Variants in ANK2 observed in about 807,000 individuals in gnomAD.
ANK2 encodes the protein ankyrin 2.
Under a neutral mutation model 360.5 loss-of-function variants are expected in ANK2, and 83 were observed. The ratio of observed to expected loss-of-function variants is 0.23; its 90% CI spans 0.19 to 0.28. The LOEUF is 0.28. Ranked by LOEUF, ANK2 falls within the 10% of genes least tolerant of loss-of-function variation. The probability of loss-of-function intolerance (pLI) is 1.00; values close to 1 mark genes in which losing one functional copy is unlikely to be tolerated. For synonymous variants in ANK2, 1,740 were observed against 1,759.5 expected, an observed-to-expected ratio of 0.99 and a Z score of 0.28; for missense variants, 4,201 against 4,795.7, an observed-to-expected ratio of 0.88 and a Z score of 3.66.
At chr4:112,994,411 G>A (rs2047842750) in intron 2 of ANK2, among the ~76,000 whole-genome samples, 1 of 152,166 alleles carries the variant, frequency 6.6e-6, no homozygotes, top group Non-Finnish European at 1.5e-5. Flanking sequence ...GAAAAGTAAT[G>A]TGATCTTTTA....
chr4:112,810,143 ATATATATATATATATATTTTTTT>A, the ANK2 span, among the ~76,000 whole-genome samples: 9 of 23,018 alleles, frequency 3.9e-4, no homozygotes, highest in South Asian at 0.01. Context: ...ATATATATAT[ATATATATATATATATATTTTTTT>A]TTTTTTTTTT....
intron 20 of ANK2, among the ~76,000 whole-genome samples, chr4:113,291,766 G>T (rs2067744492): frequency 6.6e-6 from 1 of 152,202 alleles, no homozygotes; most frequent in Non-Finnish European, 1.5e-5. Flanking sequence ...GTAGCCATTG[G>T]CTGTCATAGT....
chr4:113,350,546 C>T (rs2095345664), intron 37 of ANK2: 3 of 316,286 alleles, frequency 9.5e-6, no homozygotes, highest in Non-Finnish European at 1.8e-5. Flanking sequence ...ACCCACCCTA[C>T]CGTTTTGTCC....
chr4:112,901,278 A>G (rs1580817668), intron 1 of ANK2, among the ~76,000 whole-genome samples: 2 of 152,140 alleles, frequency 1.3e-5, no homozygotes, highest in African/African-American at 2.4e-5. Context: ...AGTAGTTGTG[A>G]TTGGATAACT....
intron 1 of ANK2, among the ~76,000 whole-genome samples, chr4:112,865,366 A>G (rs1243756617): frequency 6.6e-6 from 1 of 152,164 alleles, no homozygotes; most frequent in Non-Finnish European, 1.5e-5. Context: ...TATAATACCA[A>G]CCTCACAAAT....
the ANK2 span, among the ~76,000 whole-genome samples, chr4:112,734,229 C>G: frequency 9.2e-5 from 14 of 152,154 alleles, no homozygotes; most frequent in East Asian, 1.5e-3. Context: ...CAATTTTAAG[C>G]CTACTCACAG....
At chr4:113,149,854 G>A (rs938866839) in intron 1 of ANK2, among the ~76,000 whole-genome samples, 1 of 109,860 alleles carries the variant, frequency 9.1e-6, no homozygotes, top group Non-Finnish European at 1.7e-5. Context: ...TCCAGCTTGC[G>A]TGAGAGTGAG....
At chr4:113,197,422 C>A (rs933538954) in intron 3 of ANK2, among the ~76,000 whole-genome samples, 1 of 152,098 alleles carries the variant, frequency 6.6e-6, no homozygotes, top group Non-Finnish European at 1.5e-5. Flanking sequence ...ACAATCTTTG[C>A]CTTTGGAAGG....
At chr4:113,171,488 A>G (rs1036194793) in intron 1 of ANK2, among the ~76,000 whole-genome samples, 15 of 152,208 alleles carry the variant, frequency 9.9e-5, no homozygotes, top group Non-Finnish European at 2.1e-4. Context: ...ACATTCTTGG[A>G]CCATTTTATG....
intron 2 of ANK2, among the ~76,000 whole-genome samples, chr4:113,003,582 A>C (rs980445761): frequency 9.2e-5 from 14 of 152,222 alleles, no homozygotes; most frequent in Non-Finnish European, 1.8e-4. Context: ...AATAAACTGG[A>C]TACATATGAA....
rs1472021345 is a variant in ANK2, at chr4:112,822,877, A to C, written c.-40+4613A>C. Among the ~76,000 whole-genome samples the C allele has an allele frequency of 1.6e-4, 24 of 152,358 alleles. No homozygotes were observed. The East Asian group carries it at 4.6e-3, about 29-fold the overall frequency. On this transcript the variant is annotated intron_variant, in intron 1 of 30. Transcript: ENST00000503271. The stretch of plus-strand genomic sequence containing the variant: ...GCTAGACCCACAAGAGATTTAAAAA[A>C]AAAAACTTGTTCATTGATAGAACAA...
At chr4:112,763,685 C>G in the ANK2 span, among the ~76,000 whole-genome samples, 1 of 151,472 alleles carries the variant, frequency 6.6e-6, no homozygotes, top group East Asian at 2.0e-4. Context: ...GCGCCCGCCA[C>G]GGGGCCCGAC....
chr4:112,731,802 A>G, the ANK2 span, among the ~76,000 whole-genome samples: 1 of 152,132 alleles, frequency 6.6e-6, no homozygotes, highest in Non-Finnish European at 1.5e-5. Context: ...CTCAAAGTGC[A>G]GAAGCAAGGT....
chr4:113,031,834 G>A (rs1278220822), intron 2 of ANK2, among the ~76,000 whole-genome samples: 1 of 151,976 alleles, frequency 6.6e-6, no homozygotes, highest in East Asian at 1.9e-4. Context: ...AATATCAAAT[G>A]CAAGGGTATG....
chr4:113,108,579 G>T (rs2093933321), intron 1 of ANK2, among the ~76,000 whole-genome samples: 1 of 152,072 alleles, frequency 6.6e-6, no homozygotes, highest in Non-Finnish European at 1.5e-5. Flanking sequence ...TGTATGGTGG[G>T]CATCAGTCAG....
chr4:113,069,014 G>A (rs1420750352), intron 1 of ANK2, among the ~76,000 whole-genome samples: 3 of 152,110 alleles, frequency 2.0e-5, no homozygotes, highest in Non-Finnish European at 4.4e-5. Flanking sequence ...AGTGAGCCAT[G>A]ATAGGGCTAC....
chr4:113,345,956 A>C lies in ANK2; in HGVS notation c.4305A>C (p.Lys1435Asn). 2 of 1,613,776 alleles carry C rather than the reference A, an allele frequency of 1.2e-6. No homozygotes were observed. Among genetic ancestry groups the C allele is most frequent in the Non-Finnish European group, 1.7e-6 (2 of 1,179,702 alleles). Residue 1435 changes from lysine to asparagine, a missense_variant, in exon 35 of 46, where the codon AAA (lysine) becomes AAC (asparagine). Physicochemically the swap from Lys to Asn is moderately conservative, Grantham distance 94. Transcript: ENST00000357077. ...CGRLSFMKEPKSTRGLVHQAI... is the reference protein window; with the variant it reads ...CGRLSFMKEPNSTRGLVHQAI... ...GACTATCATTTATGAAGGAGCCAAA[A>C]TCCACGAGAGGCCTGGTGCATCAAG...
chr4:113,111,020 A>G (rs1187017058), intron 1 of ANK2, among the ~76,000 whole-genome samples: 1 of 152,150 alleles, frequency 6.6e-6, no homozygotes, highest in Non-Finnish European at 1.5e-5. Context: ...TTCATGGTCT[A>G]TAAAAAGTAC....
chr4:113,334,619 A>G (rs1054964422), intron 29 of ANK2, among the ~76,000 whole-genome samples: 1 of 128,768 alleles, frequency 7.8e-6, no homozygotes, highest in Non-Finnish European at 1.5e-5. Flanking sequence ...CTAGAAAGTT[A>G]ATAGATTAAT....
Sources: allele counts gnomAD v4.1 joint callset (sites outside exome capture counted in the v4.1 genomes callset), GRCh38; gene constraint gnomAD v4.1.1; transcripts MANE v1.5; gene names NCBI Gene and HGNC (gene_info 2026-07-23, HGNC 2026-07-21).